Variants in MIPEP observed in about 807,000 individuals in gnomAD.
MIPEP encodes mitochondrial intermediate peptidase.
A neutral mutation model predicts 90.3 loss-of-function variants in MIPEP; 79 were observed. The observed-to-expected ratio is 0.87, with a 90% confidence interval of 0.73 to 1.05. MIPEP has a LOEUF of 1.05. Ranked by LOEUF, MIPEP falls within the 50% of genes least tolerant of loss-of-function variation. MIPEP has a pLI of 0.00. For missense variants in MIPEP, 940 were observed against 905.6 expected, an observed-to-expected ratio of 1.04 and a Z score of -0.49; for synonymous variants, 334 against 315.8, an observed-to-expected ratio of 1.06 and a Z score of -0.61.
chr13:23,775,113 G>C (rs12184819), intron 16 of MIPEP, among the ~76,000 whole-genome samples: 1,595 of 8,274 alleles, frequency 0.19, 36 homozygotes, highest in African/African-American at 0.31. Flanking sequence ...AGTTCTCTGT[G>C]TGTGTGTGTG....
At chr13:23,833,586 T>A (rs1868871222) in intron 14 of MIPEP, among the ~76,000 whole-genome samples, 1 of 152,224 alleles carries the variant, frequency 6.6e-6, no homozygotes, top group African/African-American at 2.4e-5. Context: ...ATACAGGCAT[T>A]GAGAAGCTCT....
intron 18 of MIPEP, among the ~76,000 whole-genome samples, chr13:23,754,765 G>C (rs1382676630): frequency 6.6e-6 from 1 of 152,134 alleles, no homozygotes; most frequent in Non-Finnish European, 1.5e-5. Context: ...GAAACTCACC[G>C]CTTATTTCCG....
intron 1 of MIPEP, 158 bp downstream of exon 1, chr13:23,888,974 C>T (rs1871662634): frequency 2.9e-6 from 2 of 687,126 alleles, no homozygotes; most frequent in African/African-American, 3.8e-5. Flanking sequence ...GGTGACCTTG[C>T]CCTCATCGAG....
rs1871276262 is a variant in MIPEP at position 23,881,694 on chromosome 13, C to T, written c.452+5G>A. ...CATGGAGGTGGGGAGGGGAACAGCA[C>T]ATACTTCTCTACCATGGTGCCAATA... On this transcript the variant is annotated splice_donor_5th_base_variant and intron_variant, in intron 3 of 18. Coordinates refer to ENST00000382172, the MANE Select transcript of MIPEP (RefSeq NM_005932.4). 1.2e-6 allele frequency: 2 copies of T among 1,611,372 alleles called. No homozygotes were observed. Among genetic ancestry groups the T allele is most frequent in the Non-Finnish European group, 8.5e-7 (1 of 1,177,828 alleles).
chr13:23,775,529 T>C (rs1952705430), intron 16 of MIPEP, among the ~76,000 whole-genome samples: 1 of 152,216 alleles, frequency 6.6e-6, no homozygotes, highest in South Asian at 2.1e-4. Flanking sequence ...TCATCCTCAA[T>C]GCCCAGGTTT....
chr13:23,859,441 T>G (rs985112794), intron 9 of MIPEP, among the ~76,000 whole-genome samples: 1 of 152,192 alleles, frequency 6.6e-6, no homozygotes, highest in Non-Finnish European at 1.5e-5. Context: ...ACTAGTTGCT[T>G]TTGATGATTG....
intron 14 of MIPEP, among the ~76,000 whole-genome samples, chr13:23,814,247 T>C (rs756008345): frequency 1.1e-4 from 17 of 152,110 alleles, no homozygotes; most frequent in Admixed American, 2.0e-4. Context: ...GACACTACCA[T>C]AGTTATTAAA....
intron 14 of MIPEP, among the ~76,000 whole-genome samples, chr13:23,819,356 C>T (rs74038783): frequency 7.0e-4 from 107 of 152,298 alleles, no homozygotes; most frequent in Non-Finnish European, 1.3e-3. Context: ...TTTGCTTTAA[C>T]GCTTACAAAA....
chr13:23,782,940 G>C (rs201139612), intron 16 of MIPEP, among the ~76,000 whole-genome samples: 7 of 151,520 alleles, frequency 4.6e-5, no homozygotes, highest in East Asian at 1.9e-4. Context: ...CCAATAACAG[G>C]CTCTGAAATT....
At chr13:23,758,587 C>G (rs575036098) in intron 17 of MIPEP, among the ~76,000 whole-genome samples, 1 of 152,310 alleles carries the variant, frequency 6.6e-6, no homozygotes, top group East Asian at 1.9e-4. Context: ...AACTGATTTA[C>G]TGATGTCAAG....
At chr13:23,796,228 G>C (rs1952959598) in intron 16 of MIPEP, among the ~76,000 whole-genome samples, 1 of 152,126 alleles carries the variant, frequency 6.6e-6, no homozygotes, top group Non-Finnish European at 1.5e-5. Context: ...AGACCAGCCT[G>C]GCCAATATGG....
chr13:23,793,250 G>C (rs1952918592), intron 16 of MIPEP, among the ~76,000 whole-genome samples: 1 of 152,160 alleles, frequency 6.6e-6, no homozygotes, highest in Non-Finnish European at 1.5e-5. Context: ...ACAAAGCAAT[G>C]AAAAGGAACA....
At chr13:23,739,759 T>C (rs1952305611) in intron 18 of MIPEP, among the ~76,000 whole-genome samples, 1 of 152,020 alleles carries the variant, frequency 6.6e-6, no homozygotes, top group Non-Finnish European at 1.5e-5. Flanking sequence ...ACATGACTAC[T>C]CCTGACTCCA....
At chr13:23,864,905 G>A (rs1330583542) in intron 7 of MIPEP, among the ~76,000 whole-genome samples, 2 of 152,030 alleles carry the variant, frequency 1.3e-5, no homozygotes, top group African/African-American at 2.4e-5. Context: ...TAGGTGCAGT[G>A]TAGAAGTATA....
chr13:23,828,787 T>C (rs1025883110), intron 14 of MIPEP, among the ~76,000 whole-genome samples: 2 of 152,222 alleles, frequency 1.3e-5, no homozygotes, highest in African/African-American at 4.8e-5. Flanking sequence ...TACCAGAATT[T>C]TTCAAAAATT....
intron 2 of MIPEP, among the ~76,000 whole-genome samples, chr13:23,884,186 A>G (rs1871375105): frequency 1.3e-5 from 2 of 148,212 alleles, no homozygotes; most frequent in African/African-American, 5.0e-5. Flanking sequence ...ATAGGGAGAG[A>G]GAACAGATTA....
chr13:23,885,778 G>GTT (rs1871452190), intron 2 of MIPEP, among the ~76,000 whole-genome samples: 1 of 150,958 alleles, frequency 6.6e-6, no homozygotes, highest in Non-Finnish European at 1.5e-5. Context: ...ATTAAAACTG[G>GTT]TTTTCACACC....
chr13:23,791,932 AGTT>A (rs1952901512), intron 16 of MIPEP, among the ~76,000 whole-genome samples: 1 of 152,148 alleles, frequency 6.6e-6, no homozygotes, highest in African/African-American at 2.4e-5. Context: ...TAAATCCAAT[AGTT>A]GTTGCTCAGT....
chr13:23,820,025 G>A (rs1373863621), intron 14 of MIPEP, among the ~76,000 whole-genome samples: 1 of 148,120 alleles, frequency 6.8e-6, no homozygotes, highest in Non-Finnish European at 1.5e-5. Context: ...AAAAAAAAAA[G>A]GAAAAAAACC....
Sources: allele counts gnomAD v4.1 joint callset (sites outside exome capture counted in the v4.1 genomes callset), GRCh38; gene constraint gnomAD v4.1.1; transcripts MANE v1.5; gene names NCBI Gene and HGNC (gene_info 2026-07-23, HGNC 2026-07-21).